The following CSRNP3 variants were observed in gnomAD, a reference collection of about 807,000 sequenced individuals.
CSRNP3 encodes the protein cysteine/serine-rich nuclear protein 3.
CSRNP3 carries 12 observed loss-of-function variants against 48.0 expected under a neutral mutation model. The observed-to-expected ratio is 0.25, with a 90% CI of 0.16 to 0.41. CSRNP3 has a LOEUF of 0.41. CSRNP3 is among the 10% of genes least tolerant of loss of function. The pLI is 1.00. For missense variants in CSRNP3, 580 were observed against 724.4 expected, an observed-to-expected ratio of 0.80 and a Z score of 2.29; for synonymous variants, 263 against 269.7, an observed-to-expected ratio of 0.98 and a Z score of 0.24.
chr2:165,527,860 AC>A (rs1297459842), intron 3 of CSRNP3, among the ~76,000 whole-genome samples: 2 of 151,898 alleles, frequency 1.3e-5, no homozygotes, highest in African/African-American at 4.8e-5. Flanking sequence ...GATCAACAAG[AC>A]CCCAGTAGAA....
At chr2:165,557,371 T>C (rs1306397343) in intron 3 of CSRNP3, among the ~76,000 whole-genome samples, 1 of 152,212 alleles carries the variant, frequency 6.6e-6, no homozygotes, top group Non-Finnish European at 1.5e-5. Context: ...AAATATTTAC[T>C]GTGTGGCTTA....
intron 4 of CSRNP3, among the ~76,000 whole-genome samples, chr2:165,622,042 C>G (rs1244726687): frequency 1.3e-5 from 2 of 152,092 alleles, no homozygotes; most frequent in African/African-American, 4.8e-5. Flanking sequence ...TATTTTGAAA[C>G]ATCTCCTTTC....
At chr2:165,568,107 T>A (rs1685321364) in intron 3 of CSRNP3, among the ~76,000 whole-genome samples, 1 of 152,068 alleles carries the variant, frequency 6.6e-6, no homozygotes, top group Admixed American at 6.6e-5. Flanking sequence ...GATGGATTCC[T>A]TTCTTCTCCT....
intron 2 of CSRNP3, among the ~76,000 whole-genome samples, chr2:165,513,329 A>G (rs148745172): frequency 1.1e-3 from 172 of 152,302 alleles, no homozygotes; most frequent in African/African-American, 4.0e-3. Flanking sequence ...ACTTGAGAAC[A>G]CCAGACAATT....
intron 4 of CSRNP3, 129 bp downstream of exon 4, chr2:165,595,342 C>A: frequency 3.6e-6 from 3 of 843,930 alleles, no homozygotes; most frequent in Non-Finnish European, 5.4e-6. Context: ...AGAACACTTA[C>A]CCAAAAATGA....
chr2:165,664,817 T>C (rs750451476), intron 5 of CSRNP3, among the ~76,000 whole-genome samples: 2 of 152,146 alleles, frequency 1.3e-5, no homozygotes, highest in African/African-American at 4.8e-5. Context: ...TTTTTTTTTG[T>C]TCTTAGTAAG....
chr2:165,640,443 G>T (rs886752153), intron 4 of CSRNP3, among the ~76,000 whole-genome samples: 1 of 152,142 alleles, frequency 6.6e-6, no homozygotes, highest in Non-Finnish European at 1.5e-5. Flanking sequence ...AGGAATGGGT[G>T]CCATAGCTGA....
At chr2:165,510,952 G>A (rs1684492892) in intron 2 of CSRNP3, among the ~76,000 whole-genome samples, 1 of 152,150 alleles carries the variant, frequency 6.6e-6, no homozygotes, top group Non-Finnish European at 1.5e-5. Context: ...AGGATGTAGA[G>A]TTCAGGAAGA....
intron 2 of CSRNP3, among the ~76,000 whole-genome samples, chr2:165,504,150 T>TG (rs1220450774): frequency 6.6e-6 from 1 of 152,050 alleles, no homozygotes; most frequent in African/African-American, 2.4e-5. Flanking sequence ...CCTTTAAAAA[T>TG]GTTCAAGATT....
At chr2:165,599,818 A>T (rs1685882211) in intron 4 of CSRNP3, among the ~76,000 whole-genome samples, 1 of 151,946 alleles carries the variant, frequency 6.6e-6, no homozygotes, top group African/African-American at 2.4e-5. Flanking sequence ...GATAAGTCCT[A>T]TTTCTTTACT....
At chr2:165,674,382 A>G (rs904786323) in intron 5 of CSRNP3, among the ~76,000 whole-genome samples, 19 of 152,100 alleles carry the variant, frequency 1.2e-4, no homozygotes, top group Admixed American at 8.5e-4. Context: ...TCCTTAGAAA[A>G]TCAGATCTTT....
At chr2:165,616,021 A>G (rs561514423) in intron 4 of CSRNP3, among the ~76,000 whole-genome samples, 1 of 151,286 alleles carries the variant, frequency 6.6e-6, no homozygotes, top group Admixed American at 6.6e-5. Context: ...ATGAGCCATC[A>G]TGCCCAGCTT....
At chr2:165,542,649 C>T (rs1235409214) in intron 3 of CSRNP3, among the ~76,000 whole-genome samples, 10 of 151,918 alleles carry the variant, frequency 6.6e-5, no homozygotes, top group Non-Finnish European at 1.3e-4. Context: ...TTTATATTTG[C>T]CCACTATTAA....
chr2:165,558,578 T>C (rs1685190717), intron 3 of CSRNP3, among the ~76,000 whole-genome samples: 1 of 152,100 alleles, frequency 6.6e-6, no homozygotes, highest in African/African-American at 2.4e-5. Flanking sequence ...AATGTTCAGG[T>C]AAGATAATAA....
intron 1 of CSRNP3, among the ~76,000 whole-genome samples, chr2:165,483,246 C>T (rs13424955): frequency 0.087 from 13,245 of 151,964 alleles, 860 homozygotes; most frequent in Middle Eastern, 0.14. Flanking sequence ...CATTTAAGGC[C>T]GTTGCAGGGG....
chr2:165,597,399 A>G (rs1685830280), intron 4 of CSRNP3, among the ~76,000 whole-genome samples: 1 of 152,164 alleles, frequency 6.6e-6, no homozygotes, highest in African/African-American at 2.4e-5. Context: ...AAGACTATTT[A>G]AGAAATGGTT....
intron 3 of CSRNP3, among the ~76,000 whole-genome samples, chr2:165,527,949 GAGAA>G (rs1684759749): frequency 1.3e-5 from 2 of 151,588 alleles, no homozygotes; most frequent in South Asian, 4.2e-4. Flanking sequence ...AGAGATATGA[GAGAA>G]AGAAAGAGAA....
chr2:165,661,141 T>C (rs918332047), intron 5 of CSRNP3, among the ~76,000 whole-genome samples: 3 of 152,194 alleles, frequency 2.0e-5, no homozygotes, highest in African/African-American at 4.8e-5. Flanking sequence ...AAAACATAGC[T>C]ATTCAAAAAT....
intron 2 of CSRNP3, among the ~76,000 whole-genome samples, chr2:165,501,566 T>A (rs1466890223): frequency 6.6e-6 from 1 of 152,074 alleles, no homozygotes; most frequent in African/African-American, 2.4e-5. Flanking sequence ...GAATAGCGAG[T>A]GTTATTGAGC....
Sources: gnomAD v4.1 joint callset for allele counts (sites outside exome capture counted in the v4.1 genomes callset) on GRCh38, gnomAD v4.1.1 for gene constraint, MANE v1.5 for transcripts, NCBI Gene and HGNC (gene_info 2026-07-23, HGNC 2026-07-21) for gene names.